Variants in MTREX observed in about 807,000 individuals in gnomAD.
The protein encoded by MTREX is Mtr4 exosome RNA helicase, also known as exosome RNA helicase MTR4.
MTREX carries 76 observed loss-of-function variants against 135.4 expected under a neutral mutation model. The ratio of observed to expected loss-of-function variants is 0.56; its 90% CI spans 0.47 to 0.68. The LOEUF is 0.68. Among genes scored for constraint, MTREX ranks in the 30% least tolerant of loss-of-function variants. MTREX has a pLI of 0.00. For missense variants in MTREX, 920 were observed against 1,262.1 expected, an observed-to-expected ratio of 0.73 and a Z score of 4.11; for synonymous variants, 404 against 401.6, an observed-to-expected ratio of 1.01 and a Z score of -0.07.
At chr5:55,345,021 C>A in intron 9 of MTREX, 73 bp from the exon 10 acceptor site, 1 of 845,928 alleles carries the variant, frequency 1.2e-6, no homozygotes, top group Non-Finnish European at 1.9e-6. Flanking sequence ...TTTGGGGAAG[C>A]CTTATGTATG....
chr5:55,332,844 C>T (rs980939808), intron 5 of MTREX, among the ~76,000 whole-genome samples: 8 of 152,240 alleles, frequency 5.3e-5, no homozygotes, highest in Non-Finnish European at 1.2e-4. Flanking sequence ...CAAAATAATT[C>T]ATGAATCCTG....
chr5:55,346,662 A>G (rs1311647942), intron 10 of MTREX, among the ~76,000 whole-genome samples: 1 of 151,670 alleles, frequency 6.6e-6, no homozygotes, highest in African/African-American at 2.4e-5. Flanking sequence ...ATGTTTTTTT[A>G]TTGTTGTTGT....
chr5:55,316,239 T>C (rs1011566700), intron 1 of MTREX, among the ~76,000 whole-genome samples: 1 of 152,080 alleles, frequency 6.6e-6, no homozygotes, highest in Non-Finnish European at 1.5e-5. Context: ...CCTACAGATA[T>C]TATTCATAAA....
In MTREX at chr5:55,322,388, G is replaced by A. The variant is rs370165556; in HGVS notation, c.196G>A (p.Val66Ile). 9 of 1,608,436 alleles carry A rather than the reference G, an allele frequency of 5.6e-6. No individual in the cohort carries two copies. The African/African-American group carries it at 1.2e-4, about 22-fold the overall frequency. The change falls in exon 2 of 27, where the codon GTA (valine) becomes ATA (isoleucine). Residue 66 changes from valine (V) to isoleucine (I), a missense_variant. This residue lies in a region of MTREX where 136 missense variants were observed against 126.7 expected (regional missense o/e 1.07). Transcript: ENST00000230640. ...STNNGKNKRDVDFEGTDEPIF... is the reference protein window; with the variant it reads ...STNNGKNKRDIDFEGTDEPIF... ...TAATAATGGAAAAAATAAGAGAGAT[G>A]TAGATTTCGAAGGTACAGATGAACC...
In MTREX at chr5:55,340,118, T is replaced by A. The variant is rs781073196; in HGVS notation, c.624T>A (p.Asp208Glu). 1 of 1,604,832 alleles carries A rather than the reference T, an allele frequency of 6.2e-7. No individual in the cohort carries two copies. ...KYREMYEEFQ[D>E]VGLMTGDVTI... ...GTGAAATGTATGAAGAATTTCAAGATGTTGGTTTGATGACTGGTGATGTTA... is the reference window on the plus strand; with the variant it reads ...GTGAAATGTATGAAGAATTTCAAGAAGTTGGTTTGATGACTGGTGATGTTA... Residue 208 changes from aspartate (D) to glutamate (E), a missense_variant, in exon 6 of 27, where the codon GAT becomes GAA. This residue lies in a region of MTREX where 88 missense variants were observed against 202.5 expected (regional missense o/e 0.43). Coordinates refer to ENST00000230640, the MANE Select transcript of MTREX (RefSeq NM_015360.5).
At chr5:55,338,105 C>G (rs569933797) in intron 5 of MTREX, among the ~76,000 whole-genome samples, 1 of 152,150 alleles carries the variant, frequency 6.6e-6, no homozygotes, top group African/African-American at 2.4e-5. Context: ...ATTGTGTTTT[C>G]TAAAAATATT....
intron 25 of MTREX, among the ~76,000 whole-genome samples, chr5:55,417,874 G>T (rs963720748): frequency 6.6e-6 from 1 of 152,038 alleles, no homozygotes; most frequent in East Asian, 1.9e-4. Flanking sequence ...AACAATAGTG[G>T]TACATGGCAG....
intron 10 of MTREX, 37 bp downstream of exon 10, chr5:55,345,233 T>G: frequency 1.5e-6 from 2 of 1,292,780 alleles, no homozygotes; most frequent in Non-Finnish European, 2.2e-6. Flanking sequence ...ATTTTACATG[T>G]AAATTGTATA....
At chr5:55,362,074 G>A (rs1324652675) in intron 15 of MTREX, among the ~76,000 whole-genome samples, 1 of 145,432 alleles carries the variant, frequency 6.9e-6, no homozygotes, top group Non-Finnish European at 1.5e-5. Flanking sequence ...GCACCACCAC[G>A]TCTGGCTAAT....
Position 55,351,155 on chromosome 5 carries a change from T to G in MTREX, c.1431+126T>G, listed in dbSNP as rs183297378. On this transcript the variant is annotated intron_variant, in intron 13 of 26. Transcript: ENST00000230640. ...AGGCTTAATGAAATGACTTAAATAA[T>G]GAACTTAATTTTTATATATGATGTT... is the stretch of plus-strand genomic sequence containing the variant. 1.2e-4 allele frequency: 139 copies of G among 1,155,462 alleles called. 1 individual carries two copies. The East Asian group carries it at 4.1e-3, about 34-fold the overall frequency. 71.6% of individuals were successfully genotyped at this position (1,155,462 alleles called of 1,614,324 possible). A position where few individuals can be genotyped will look rare whatever the true frequency, so the allele number is the denominator to read the frequency against.
intron 1 of MTREX, among the ~76,000 whole-genome samples, chr5:55,309,708 T>C (rs1749079109): frequency 6.6e-6 from 1 of 152,026 alleles, no homozygotes; most frequent in Non-Finnish European, 1.5e-5. Context: ...TTTAATAGGG[T>C]TTTGGAGAGA....
At chr5:55,349,082 T>C (rs1030422937) in intron 11 of MTREX, among the ~76,000 whole-genome samples, 2 of 150,650 alleles carry the variant, frequency 1.3e-5, no homozygotes, top group Admixed American at 6.6e-5. Flanking sequence ...CTACTAGATA[T>C]GTTTTGAAAG....
chr5:55,379,152 G>A lies in MTREX; in HGVS notation c.2009G>A (p.Gly670Asp). ...VKVKNEGDDF[G>D]WGVVVNFSKK... is the part of the protein sequence containing the mutation. ...GTAAAGAATGAAGGAGATGACTTTGGCTGGGGAGTAGTGGTGAATTTCTCA... is the reference window on the plus strand; with the variant it reads ...GTAAAGAATGAAGGAGATGACTTTGACTGGGGAGTAGTGGTGAATTTCTCA... Residue 670 changes from glycine to aspartate, a missense_variant, in exon 18 of 27, where the codon GGC becomes GAC. By Grantham distance (94) the Gly-to-Asp change is moderately conservative. Around this residue, in one of 6 missense-constraint regions of MTREX, gnomAD observed 467 missense variants for 589.7 expected, o/e 0.79. Coordinates refer to ENST00000230640, the MANE Select transcript of MTREX (RefSeq NM_015360.5). 6.2e-7 allele frequency: 1 copy of A among 1,609,556 alleles called. No individual in the cohort carries two copies. The highest frequency in any genetic ancestry group is 8.5e-7 in the Non-Finnish European group (1 of 1,177,436).
intron 22 of MTREX, among the ~76,000 whole-genome samples, chr5:55,408,724 T>G (rs940833924): frequency 2.0e-5 from 3 of 152,086 alleles, no homozygotes; most frequent in Admixed American, 1.3e-4. Context: ...AGTTGCAAAT[T>G]CAGAATTTTT....
chr5:55,399,720 C>A (rs1467999980), intron 20 of MTREX, among the ~76,000 whole-genome samples: 1 of 152,152 alleles, frequency 6.6e-6, no homozygotes, highest in Non-Finnish European at 1.5e-5. Context: ...ATCTCCTGAC[C>A]TTGTGATCCG....
chr5:55,321,032 G>A (rs771117932), intron 1 of MTREX, among the ~76,000 whole-genome samples: 7 of 152,026 alleles, frequency 4.6e-5, no homozygotes, highest in Non-Finnish European at 7.4e-5. Context: ...TGCCATTCTC[G>A]TTAAAATTTT....
intron 25 of MTREX, among the ~76,000 whole-genome samples, 199 bp downstream of exon 25, chr5:55,416,331 C>T (rs1481849218): frequency 1.3e-5 from 2 of 151,932 alleles, no homozygotes; most frequent in Non-Finnish European, 2.9e-5. Context: ...ATTAGAAAGT[C>T]CTTTAGAAAC....
rs987538168 is a variant in MTREX, at chr5:55,350,312, A to G, written c.1321-607A>G. On this transcript the variant is annotated intron_variant, in intron 12 of 26. Transcript: ENST00000230640. ...TGCCTTGATTTGTAAGGGATTTTCCATAAGACTGTGATAACATGTTTCTTG... is the reference window on the plus strand; with the variant it reads ...TGCCTTGATTTGTAAGGGATTTTCCGTAAGACTGTGATAACATGTTTCTTG... 4.6e-5 allele frequency among the ~76,000 whole-genome samples: 7 copies of G among 152,212 alleles called. No homozygotes were observed. In the South Asian group the frequency reaches 1.2e-3, roughly 27 times the overall value.
At chr5:55,397,650 T>G in intron 20 of MTREX, 124 bp downstream of exon 20, 1 of 522,024 alleles carries the variant, frequency 1.9e-6, no homozygotes, top group East Asian at 3.0e-5. Flanking sequence ...ATACTACCAA[T>G]AGTGACAATT....
Sources: gnomAD v4.1 joint callset for allele counts (sites outside exome capture counted in the v4.1 genomes callset) on GRCh38, gnomAD v4.1.1 for gene constraint, gnomAD v4.1.1 regional missense constraint, MANE v1.5 for transcripts, NCBI Gene and HGNC (gene_info 2026-07-23, HGNC 2026-07-21) for gene names.